The following MIGA1 variants were observed in gnomAD, a reference collection of about 807,000 sequenced individuals.
MIGA1 encodes the protein family with sequence similarity 73, member A.
In MIGA1, 58 loss-of-function variants were observed where a neutral mutation model predicts 82.0. The observed-to-expected ratio is 0.71, with a 90% CI of 0.57 to 0.88. The LOEUF (loss-of-function observed/expected upper bound fraction) is 0.88, where lower values mean the gene tolerates loss of function less well. Ranked by LOEUF, MIGA1 falls within the 40% of genes least tolerant of loss-of-function variation. The pLI is 0.00. For missense variants in MIGA1, 751 were observed against 749.1 expected, an observed-to-expected ratio of 1.00 and a Z score of -0.03; for synonymous variants, 249 against 253.6, an observed-to-expected ratio of 0.98 and a Z score of 0.17.
chr1:77,809,105 T>TAAA (rs925624642), intron 5 of MIGA1, among the ~76,000 whole-genome samples: 4 of 150,534 alleles, frequency 2.7e-5, no homozygotes, highest in African/African-American at 9.8e-5. Flanking sequence ...CCCGTTTTCT[T>TAAA]AAAACAACAA....
At chr1:77,813,640 A>G in intron 5 of MIGA1, 94 bp from the exon 6 acceptor site, 1 of 1,295,124 alleles carries the variant, frequency 7.7e-7, no homozygotes, top group Non-Finnish European at 1.1e-6. Flanking sequence ...AGACTGTGAC[A>G]TCAGTGATAA....
intron 7 of MIGA1, among the ~76,000 whole-genome samples, chr1:77,822,680 G>C (rs866103788): frequency 1.3e-5 from 2 of 151,980 alleles, no homozygotes; most frequent in Non-Finnish European, 2.9e-5. Flanking sequence ...ATTTACTTTA[G>C]AAGAGCCTTA....
chr1:77,863,803 C>T, intron 12 of MIGA1, 91 bp from the exon 13 acceptor site: 1 of 882,216 alleles, frequency 1.1e-6, no homozygotes, highest in Admixed American at 3.6e-5. Context: ...AAAAAAAACC[C>T]CTGCTGTTAT....
chr1:77,844,429 A>G (rs1570987799), intron 8 of MIGA1, among the ~76,000 whole-genome samples: 1 of 152,056 alleles, frequency 6.6e-6, no homozygotes, highest in Non-Finnish European at 1.5e-5. Context: ...GTATATAGGC[A>G]GAGGAAAAAA....
At chr1:77,805,059 A>G (rs536398301) in intron 4 of MIGA1, among the ~76,000 whole-genome samples, 5 of 146,528 alleles carry the variant, frequency 3.4e-5, no homozygotes, top group South Asian at 2.1e-4. Context: ...CAGTGGCACA[A>G]TCTCCGCTCA....
At chr1:77,843,853 C>T (rs2101891395) in intron 8 of MIGA1, among the ~76,000 whole-genome samples, 1 of 151,918 alleles carries the variant, frequency 6.6e-6, no homozygotes, top group South Asian at 2.1e-4. Flanking sequence ...ATTCCCAGTA[C>T]TTTAGGAGGC....
chr1:77,793,783 CTTTTTTT>C (rs1175821307), intron 2 of MIGA1, among the ~76,000 whole-genome samples: 9 of 114,154 alleles, frequency 7.9e-5, no homozygotes, highest in Non-Finnish European at 1.4e-4. Context: ...AAAATTTTAT[CTTTTTTT>C]TTTTTTTTTT....
chr1:77,824,324 G>T (rs748425917), intron 7 of MIGA1, among the ~76,000 whole-genome samples: 4 of 152,192 alleles, frequency 2.6e-5, no homozygotes, highest in Non-Finnish European at 5.9e-5. Flanking sequence ...CACTTGGGAG[G>T]CTGAGGCAGG....
rs1359864390 is a variant in MIGA1, at chr1:77,783,240, T to G, written c.84T>G (p.Ile28Met). The change falls in exon 2 of 16, where the codon ATT (isoleucine) becomes ATG (methionine). Residue 28 changes from isoleucine (I) to methionine (M), a missense_variant and splice_region_variant. By Grantham distance (10) the Ile-to-Met change is conservative. It adds an upstream start codon to the 5' untranslated region. Transcript: ENST00000370791. ...TTTTTATGTTTCATTTAATGAAGATTAGAAGAGGAGCCATGTCAGAAGAAA... is the reference window on the plus strand; with the variant it reads ...TTTTTATGTTTCATTTAATGAAGATGAGAAGAGGAGCCATGTCAGAAGAAA... 10 of 1,578,790 alleles carry G rather than the reference T, an allele frequency of 6.3e-6. No homozygotes were observed. The highest frequency in any genetic ancestry group is 8.7e-6 in the Non-Finnish European group (10 of 1,155,424).
chr1:77,796,036 A>G (rs1241435807), intron 2 of MIGA1, among the ~76,000 whole-genome samples: 1 of 152,110 alleles, frequency 6.6e-6, no homozygotes, highest in African/African-American at 2.4e-5. Context: ...TACTCATAAT[A>G]TATTTACTTA....
chr1:77,823,102 A>C lies in MIGA1; in HGVS notation c.895+7871A>C, dbSNP rs1055268464. On this transcript the variant is annotated intron_variant, in intron 7 of 15. Transcript: ENST00000370791. ...GTGATCCTCCCGCCTCGGCCTCCCA[A>C]AGTGCTGGAATTACAGGCGTGAGCC... 2.0e-5 allele frequency among the ~76,000 whole-genome samples: 3 copies of C among 152,214 alleles called. No individual in the cohort carries two copies. The South Asian group carries it at 6.2e-4, about 32-fold the overall frequency.
intron 5 of MIGA1, among the ~76,000 whole-genome samples, chr1:77,808,019 CA>C (rs1226604910): frequency 6.6e-6 from 1 of 151,938 alleles, no homozygotes; most frequent in East Asian, 1.9e-4. Flanking sequence ...GGGGTTTCAC[CA>C]TGTTAGCCAG....
chr1:77,795,293 G>A (rs1316093227), intron 2 of MIGA1, among the ~76,000 whole-genome samples: 1 of 151,448 alleles, frequency 6.6e-6, no homozygotes, highest in Non-Finnish European at 1.5e-5. Flanking sequence ...GTTTATTGGT[G>A]ATTTTCTATT....
chr1:77,866,595 C>A (rs1014087199), intron 14 of MIGA1, among the ~76,000 whole-genome samples: 3 of 151,762 alleles, frequency 2.0e-5, no homozygotes, highest in African/African-American at 7.3e-5. Flanking sequence ...TTGAGGCATG[C>A]ATGGTATTTC....
intron 12 of MIGA1, 76 bp from the exon 13 acceptor site, chr1:77,863,818 C>A: frequency 9.2e-7 from 1 of 1,091,496 alleles, no homozygotes; most frequent in Non-Finnish European, 1.3e-6. Flanking sequence ...TGTTATAAAA[C>A]CATAAAGCCC....
intron 7 of MIGA1, among the ~76,000 whole-genome samples, chr1:77,832,523 G>A (rs1684278702): frequency 6.6e-6 from 1 of 152,182 alleles, no homozygotes; most frequent in Admixed American, 6.5e-5. Flanking sequence ...TTCATGGAGC[G>A]GGGCTCATGG....
chr1:77,869,520 C>T (rs1474603262), intron 14 of MIGA1, among the ~76,000 whole-genome samples: 13 of 135,316 alleles, frequency 9.6e-5, no homozygotes, highest in Admixed American at 7.8e-4. Context: ...TAGGGGCGGC[C>T]GGGCAGAAGC....
rs780831369 is a variant in MIGA1 at position 77,779,908 on chromosome 1, G to A, written c.81+172G>A. On this transcript the variant is annotated intron_variant, in intron 1 of 15. Coordinates refer to ENST00000370791, the MANE Select transcript of MIGA1 (RefSeq NM_198549.4). ...GCGGAAAGCCAGAGGGTCTACGGCC[G>A]TGCCACCCTGAACACCCCCGACCTC... 4.1e-5 allele frequency: 57 copies of A among 1,403,192 alleles called. No homozygotes were observed. The South Asian group carries it at 5.3e-4, about 13-fold the overall frequency. 86.9% of individuals were successfully genotyped at this position (1,403,192 alleles called of 1,614,324 possible).
intron 2 of MIGA1, among the ~76,000 whole-genome samples, chr1:77,800,207 G>T (rs2101745262): frequency 6.6e-6 from 1 of 152,242 alleles, no homozygotes; most frequent in African/African-American, 2.4e-5. Flanking sequence ...CGAGTGCCTG[G>T]TGATTCTTGA....
Sources: allele counts gnomAD v4.1 joint callset (sites outside exome capture counted in the v4.1 genomes callset), GRCh38; gene constraint gnomAD v4.1.1; transcripts MANE v1.5; gene names NCBI Gene and HGNC (gene_info 2026-07-23, HGNC 2026-07-21).